The following HTR1F variants were observed in gnomAD, a reference collection of about 807,000 sequenced individuals.
The protein encoded by HTR1F is 5-hydroxytryptamine (serotonin) receptor 1F, G protein-coupled.
Under a neutral mutation model 24.0 loss-of-function variants are expected in HTR1F, and 17 were observed. The observed-to-expected ratio is 0.71, with a 90% CI of 0.48 to 1.06. HTR1F has a LOEUF of 1.06. Among genes scored for constraint, HTR1F ranks in the 50% least tolerant of loss-of-function variants. The probability of loss-of-function intolerance (pLI) is 0.00; values close to 1 mark genes in which losing one functional copy is unlikely to be tolerated. For synonymous variants in HTR1F, 186 were observed against 156.8 expected (o/e 1.19, Z -1.39); for missense variants, 391 against 427.8 (o/e 0.91, Z 0.76).
chr3:87,807,052 C>A (rs190738088), intron 1 of HTR1F, among the ~76,000 whole-genome samples: 1 of 152,042 alleles, frequency 6.6e-6, no homozygotes, highest in African/African-American at 2.4e-5. Context: ...TATTGAGTTT[C>A]AAGTAGCGTG....
chr3:87,985,052 A>G (rs1286872969), intron 2 of HTR1F, among the ~76,000 whole-genome samples: 1 of 152,072 alleles, frequency 6.6e-6, no homozygotes, highest in Non-Finnish European at 1.5e-5. Context: ...TAGTTACTTG[A>G]GGGCTGGGCA....
intron 2 of HTR1F, among the ~76,000 whole-genome samples, chr3:87,848,176 T>C (rs930926446): frequency 2.0e-5 from 3 of 151,916 alleles, no homozygotes; most frequent in African/African-American, 7.3e-5. Context: ...TGCCATCATC[T>C]GTTAAATTTT....
chr3:87,871,484 G>C (rs1439765838), intron 2 of HTR1F, among the ~76,000 whole-genome samples: 1 of 152,064 alleles, frequency 6.6e-6, no homozygotes, highest in Non-Finnish European at 1.5e-5. Context: ...AGGGTACAAA[G>C]AGCTTATGTG....
intron 2 of HTR1F, among the ~76,000 whole-genome samples, chr3:87,964,424 G>T (rs904485592): frequency 1.3e-5 from 2 of 151,990 alleles, no homozygotes; most frequent in Admixed American, 1.3e-4. Context: ...TGGAGTAATC[G>T]CTCCTTTTTT....
intron 2 of HTR1F, among the ~76,000 whole-genome samples, chr3:87,879,730 T>C (rs2107276797): frequency 6.6e-6 from 1 of 152,284 alleles, no homozygotes; most frequent in South Asian, 2.1e-4. Context: ...AAAATGAATA[T>C]TTCATTTTAT....
At chr3:87,799,801 A>G (rs1703964640) in intron 1 of HTR1F, among the ~76,000 whole-genome samples, 1 of 152,138 alleles carries the variant, frequency 6.6e-6, no homozygotes, top group Non-Finnish European at 1.5e-5. Context: ...AATCCTCCCT[A>G]TTAAACTAAA....
At chr3:87,977,014 T>A (rs1284621363) in intron 2 of HTR1F, among the ~76,000 whole-genome samples, 2 of 152,178 alleles carry the variant, frequency 1.3e-5, no homozygotes, top group African/African-American at 2.4e-5. Flanking sequence ...ATATTACCTG[T>A]TTTTCATTTT....
At position 87,970,508 on chromosome 3, in the gene HTR1F, C is replaced by T. The variant is rs183907450; in HGVS notation, c.-42-20200C>T. ...AATGTTTCCCTGAGCGAGGGCCACA[C>T]AGGGAATAGCTGGAGCTATTCTAAA... On this transcript the variant is annotated intron_variant, in intron 2 of 2. Coordinates refer to ENST00000319595, the MANE Select transcript of HTR1F (RefSeq NM_001322209.2). Among the ~76,000 whole-genome samples, 41 of 152,302 alleles carry T rather than the reference C, an allele frequency of 2.7e-4. No individual in the cohort carries two copies. In the East Asian group the frequency reaches 7.7e-3, roughly 29 times the overall value.
chr3:87,967,751 C>A (rs902680722), intron 2 of HTR1F, among the ~76,000 whole-genome samples: 1 of 152,178 alleles, frequency 6.6e-6, no homozygotes, highest in African/African-American at 2.4e-5. Flanking sequence ...AGTGGCCTCC[C>A]AAGCCATGTG....
chr3:87,906,685 C>T (rs1180107588), intron 2 of HTR1F, among the ~76,000 whole-genome samples: 1 of 151,804 alleles, frequency 6.6e-6, no homozygotes, highest in Non-Finnish European at 1.5e-5. Flanking sequence ...TTTTATTCCT[C>T]GCCCCCCTCT....
intron 2 of HTR1F, among the ~76,000 whole-genome samples, chr3:87,858,096 C>T (rs1308652504): frequency 6.6e-6 from 1 of 152,104 alleles, no homozygotes; most frequent in African/African-American, 2.4e-5. Flanking sequence ...ACCCTAGTCC[C>T]ACAAACTCAG....
At chr3:87,805,975 T>C (rs548944911) in intron 1 of HTR1F, among the ~76,000 whole-genome samples, 1 of 152,012 alleles carries the variant, frequency 6.6e-6, no homozygotes, top group African/African-American at 2.4e-5. Context: ...TGAGAGCAAC[T>C]TTTTTTAGCT....
rs1393283692 is a variant in HTR1F, at chr3:87,992,429, T to C, written c.*579T>C. ...GCTTGAAATTGTCCTTGTGTTTAGG[T>C]AGCAAAGAGTAATCATAAAGTGGGT... On this transcript the variant is annotated 3_prime_UTR_variant, in exon 3 of 3. Coordinates refer to ENST00000319595, the MANE Select transcript of HTR1F (RefSeq NM_001322209.2). 2.4e-5 allele frequency: 4 copies of C among 167,036 alleles called. No individual in the cohort carries two copies. Among genetic ancestry groups the C allele is most frequent in the Admixed American group, 6.5e-5 (1 of 15,272 alleles). The allele number at this position is 167,036 out of a possible 1,614,324, so 10.3% of individuals were successfully genotyped here.
At chr3:87,967,682 A>G (rs1398832742) in intron 2 of HTR1F, among the ~76,000 whole-genome samples, 2 of 152,026 alleles carry the variant, frequency 1.3e-5, no homozygotes, top group African/African-American at 2.4e-5. Context: ...TCCCCTGCTC[A>G]TGCTTTCTCT....
chr3:87,989,363 T>C (rs144340555), intron 2 of HTR1F, among the ~76,000 whole-genome samples: 3 of 152,320 alleles, frequency 2.0e-5, no homozygotes, highest in African/African-American at 7.2e-5. Flanking sequence ...AGTAAGTTTC[T>C]TTGGTAACGG....
At chr3:87,878,919 T>G (rs1705727523) in intron 2 of HTR1F, among the ~76,000 whole-genome samples, 1 of 152,178 alleles carries the variant, frequency 6.6e-6, no homozygotes, top group Admixed American at 6.6e-5. Flanking sequence ...AGGAAGTCTG[T>G]TATTCTTTTC....
chr3:87,897,154 A>C (rs796821422), intron 2 of HTR1F, among the ~76,000 whole-genome samples: 2 of 151,528 alleles, frequency 1.3e-5, no homozygotes, highest in South Asian at 4.2e-4. Context: ...TATGGAACCA[A>C]TGCTGGTGCC....
In HTR1F at chr3:87,982,241, A is replaced by AT. The variant is rs1392076281; in HGVS notation, c.-42-8466dup. ...CCCTGCCCTTTCTAAATATTTTTAA[A>AT]TATCGAGATATTTTTAAATATCTCA... On this transcript the variant is annotated intron_variant, in intron 2 of 2. Transcript: ENST00000319595. Among the ~76,000 whole-genome samples the AT allele has an allele frequency of 5.9e-5, 9 of 152,258 alleles. No homozygotes were observed. In the East Asian group the frequency reaches 1.5e-3, roughly 26 times the overall value.
At chr3:87,819,399 A>G (rs1704311719) in intron 1 of HTR1F, among the ~76,000 whole-genome samples, 1 of 150,986 alleles carries the variant, frequency 6.6e-6, no homozygotes, top group Non-Finnish European at 1.5e-5. Flanking sequence ...TTTTATCTGT[A>G]GACTTATTTT....
Sources: gnomAD v4.1 joint callset for allele counts (sites outside exome capture counted in the v4.1 genomes callset) on GRCh38, gnomAD v4.1.1 for gene constraint, MANE v1.5 for transcripts, NCBI Gene and HGNC (gene_info 2026-07-23, HGNC 2026-07-21) for gene names.